The following RBFOX1 variants were observed in gnomAD, a reference collection of about 807,000 sequenced individuals.
The protein encoded by RBFOX1 is RNA binding fox-1 homolog 1, also known as RNA binding protein fox-1 homolog 1.
RBFOX1 carries 8 observed loss-of-function variants against 57.7 expected under a neutral mutation model. The ratio of observed to expected loss-of-function variants is 0.14; its 90% CI spans 0.08 to 0.25. RBFOX1 has a LOEUF of 0.25. RBFOX1 is among the 10% of genes least tolerant of loss of function. RBFOX1 has a pLI of 1.00. For synonymous variants in RBFOX1, 326 were observed against 222.4 expected, an observed-to-expected ratio of 1.47 and a Z score of -4.15; for missense variants, 611 against 548.5, an observed-to-expected ratio of 1.11 and a Z score of -1.14.
At chr16:6,204,286 G>A (rs2097238317) in intron 1 of RBFOX1, among the ~76,000 whole-genome samples, 1 of 152,098 alleles carries the variant, frequency 6.6e-6, no homozygotes, top group Admixed American at 6.6e-5. Context: ...ATTTGGACAT[G>A]GATTGGTAAT....
intron 2 of RBFOX1, among the ~76,000 whole-genome samples, chr16:6,608,234 T>C (rs2097975566): frequency 6.6e-6 from 1 of 152,302 alleles, no homozygotes; most frequent in South Asian, 2.1e-4. Context: ...GCAGCATTGG[T>C]TTGTGTTATA....
intron 4 of RBFOX1, among the ~76,000 whole-genome samples, chr16:7,407,944 C>T (rs73550801): frequency 6.6e-5 from 10 of 152,180 alleles, no homozygotes; most frequent in South Asian, 4.2e-4. Flanking sequence ...GCTTTTGGGC[C>T]GCAATGGCAG....
At chr16:7,676,745 C>G (rs751890493) in intron 13 of RBFOX1, 29 bp from the exon 14 acceptor site, 9 of 1,598,096 alleles carry the variant, frequency 5.6e-6, no homozygotes, top group African/African-American at 1.3e-5. Flanking sequence ...CCGCTACATT[C>G]CTGAGTCACA....
chr16:5,509,719 C>T (rs982592638), intron 2 of RBFOX1, among the ~76,000 whole-genome samples: 13 of 152,098 alleles, frequency 8.5e-5, no homozygotes, highest in African/African-American at 2.9e-4. Context: ...GGAGAGCTTT[C>T]GGGGCTTGGG....
intron 3 of RBFOX1, among the ~76,000 whole-genome samples, chr16:6,698,111 A>G (rs981768025): frequency 6.6e-6 from 1 of 152,180 alleles, no homozygotes; most frequent in African/African-American, 2.4e-5. Context: ...TAAAATATGC[A>G]TTTTGTTACT....
chr16:7,201,133 TGA>T (rs1429631012), intron 4 of RBFOX1, among the ~76,000 whole-genome samples: 2 of 152,090 alleles, frequency 1.3e-5, no homozygotes, highest in East Asian at 1.9e-4. Flanking sequence ...CTGGAAGATA[TGA>T]GAGAGAGGAA....
intron 3 of RBFOX1, among the ~76,000 whole-genome samples, chr16:6,836,099 G>A (rs1197782822): frequency 2.0e-5 from 3 of 152,158 alleles, no homozygotes; most frequent in Non-Finnish European, 4.4e-5. Flanking sequence ...TATAGAAATG[G>A]GAGACAATCA....
At chr16:5,983,802 G>A (rs564627912) in intron 4 of RBFOX1, among the ~76,000 whole-genome samples, 8 of 151,828 alleles carry the variant, frequency 5.3e-5, no homozygotes, top group African/African-American at 1.9e-4. Flanking sequence ...GGCTGTCGGG[G>A]GGTGTCAGGT....
At chr16:7,583,618 G>C (rs1485106656) in intron 6 of RBFOX1, among the ~76,000 whole-genome samples, 1 of 152,158 alleles carries the variant, frequency 6.6e-6, no homozygotes, top group East Asian at 1.9e-4. Context: ...GTTGCTCAAT[G>C]ACTACAGTTC....
chr16:5,989,339 A>G (rs961195953), intron 4 of RBFOX1, among the ~76,000 whole-genome samples: 1 of 152,046 alleles, frequency 6.6e-6, no homozygotes, highest in Non-Finnish European at 1.5e-5. Context: ...TGAAAAAAAC[A>G]GAACAAAACA....
intron 2 of RBFOX1, among the ~76,000 whole-genome samples, chr16:6,594,931 G>A (rs1028079291): frequency 3.3e-5 from 5 of 152,088 alleles, no homozygotes; most frequent in Admixed American, 1.3e-4. Context: ...TGGGACTACA[G>A]GTGCGTGCCA....
At chr16:7,565,338 A>G (rs897148061) in intron 5 of RBFOX1, among the ~76,000 whole-genome samples, 1 of 152,110 alleles carries the variant, frequency 6.6e-6, no homozygotes, top group Non-Finnish European at 1.5e-5. Flanking sequence ...TGCTTAGAAC[A>G]TATATATTTT....
chr16:7,689,622 A>T (rs1397448911), intron 14 of RBFOX1, among the ~76,000 whole-genome samples: 1 of 152,020 alleles, frequency 6.6e-6, no homozygotes, highest in Non-Finnish European at 1.5e-5. Flanking sequence ...ATCTTCAGGG[A>T]AGTTGGAGAA....
At chr16:6,952,890 G>A (rs895587837) in intron 3 of RBFOX1, among the ~76,000 whole-genome samples, 1 of 151,990 alleles carries the variant, frequency 6.6e-6, no homozygotes, top group African/African-American at 2.4e-5. Flanking sequence ...CAGGAGAAGG[G>A]CTTGAACCCA....
At chr16:5,366,582 T>C (rs1320978259) in intron 1 of RBFOX1, 2 of 386,166 alleles carry the variant, frequency 5.2e-6, no homozygotes, top group Non-Finnish European at 9.9e-6. Context: ...AAAAAGGTGA[T>C]TCTTTTCCCA....
At chr16:7,200,532 G>A (rs2088086292) in intron 4 of RBFOX1, among the ~76,000 whole-genome samples, 1 of 152,180 alleles carries the variant, frequency 6.6e-6, no homozygotes, top group Non-Finnish European at 1.5e-5. Context: ...ATCACTGCTT[G>A]CATGGAGCTC....
chr16:6,729,060 C>A (rs549397168), intron 3 of RBFOX1, among the ~76,000 whole-genome samples: 16 of 152,282 alleles, frequency 1.1e-4, no homozygotes, highest in Non-Finnish European at 2.4e-4. Context: ...CTGTTTCTCA[C>A]ATATTCCCAG....
chr16:5,407,761 C>G (rs1471171713), intron 1 of RBFOX1, among the ~76,000 whole-genome samples: 1 of 152,174 alleles, frequency 6.6e-6, no homozygotes, highest in African/African-American at 2.4e-5. Context: ...GTTGGCCAGG[C>G]TGGTCTCGAA....
At chr16:7,029,063 TATATATATATATATATATACACACAC>T (rs1249822128) in intron 3 of RBFOX1, among the ~76,000 whole-genome samples, 8 of 32,648 alleles carry the variant, frequency 2.5e-4, no homozygotes, top group African/African-American at 1.7e-3. Context: ...TATATATATA[TATATATATATATATATATACACACAC>T]ACACACACAC....
Sources: allele counts gnomAD v4.1 joint callset (sites outside exome capture counted in the v4.1 genomes callset), GRCh38; gene constraint gnomAD v4.1.1; transcripts MANE v1.5; gene names NCBI Gene and HGNC (gene_info 2026-07-23, HGNC 2026-07-21).